L3MBTL4: variants seen among roughly 807,000 people sequenced by gnomAD.
L3MBTL4 encodes the protein L3MBTL histone methyl-lysine binding protein 4.
In L3MBTL4, 70 loss-of-function variants were observed where a neutral mutation model predicts 84.5. The ratio of observed to expected loss-of-function variants is 0.83; its 90% CI spans 0.68 to 1.01. L3MBTL4 has a LOEUF of 1.01. Ranked by LOEUF, L3MBTL4 falls within the 50% of genes least tolerant of loss-of-function variation. L3MBTL4 has a pLI of 0.00. For missense variants in L3MBTL4, 715 were observed against 754.8 expected (o/e 0.95, Z 0.62); for synonymous variants, 274 against 259.8 (o/e 1.05, Z -0.52).
At chr18:6,337,553 T>C (rs989896993) in intron 1 of L3MBTL4, among the ~76,000 whole-genome samples, 2 of 151,934 alleles carry the variant, frequency 1.3e-5, no homozygotes, top group African/African-American at 4.8e-5. Context: ...CAGGCAAAAC[T>C]AACCTAAAGC....
chr18:6,020,640 C>A (rs1567991816), intron 16 of L3MBTL4, among the ~76,000 whole-genome samples: 3 of 152,120 alleles, frequency 2.0e-5, no homozygotes, highest in Non-Finnish European at 4.4e-5. Context: ...GTTGCAAAAG[C>A]AGAGAGGGAG....
At chr18:6,128,594 G>A (rs888347061) in intron 14 of L3MBTL4, among the ~76,000 whole-genome samples, 1 of 152,142 alleles carries the variant, frequency 6.6e-6, no homozygotes, top group African/African-American at 2.4e-5. Context: ...AACATGGAAT[G>A]ATGCCTTCAA....
At chr18:5,984,576 G>T (rs1007885598) in intron 16 of L3MBTL4, among the ~76,000 whole-genome samples, 1 of 152,116 alleles carries the variant, frequency 6.6e-6, no homozygotes, top group Admixed American at 6.5e-5. Flanking sequence ...ATTTTTTTGG[G>T]GGGGAAGCTT....
chr18:6,139,024 C>G lies in L3MBTL4; in HGVS notation c.1097-728G>C, dbSNP rs530398279. On this transcript the variant is annotated intron_variant, in intron 13 of 18. Coordinates refer to ENST00000317931, the MANE Select transcript of L3MBTL4 (RefSeq NM_001330559.2). The stretch of plus-strand genomic sequence containing the variant: ...ACAGAAACTGGGCCAGCAAATGGGG[C>G]GTGCTGAAGATGGCAAACATGGCCC... Among the ~76,000 whole-genome samples the G allele has an allele frequency of 6.3e-4, 96 of 152,170 alleles. No homozygotes were observed. In the South Asian group the frequency reaches 0.02, roughly 31 times the overall value.
At chr18:6,166,154 T>C (rs1449471905) in intron 13 of L3MBTL4, among the ~76,000 whole-genome samples, 1 of 152,142 alleles carries the variant, frequency 6.6e-6, no homozygotes, top group Non-Finnish European at 1.5e-5. Context: ...ATGCACCCAA[T>C]ACAGGAGCAC....
intron 16 of L3MBTL4, among the ~76,000 whole-genome samples, chr18:5,993,387 C>T (rs540259783): frequency 1.6e-4 from 25 of 152,304 alleles, no homozygotes; most frequent in Non-Finnish European, 3.1e-4. Context: ...GAGCAAGCCA[C>T]GGGTCTCTGC....
intron 1 of L3MBTL4, among the ~76,000 whole-genome samples, chr18:6,407,145 A>G (rs951644465): frequency 2.0e-5 from 3 of 152,228 alleles, no homozygotes; most frequent in African/African-American, 7.2e-5. Context: ...CCTTGTCCTC[A>G]TAGTAAAAGA....
At chr18:6,382,667 C>T (rs1177281792) in intron 1 of L3MBTL4, among the ~76,000 whole-genome samples, 1 of 152,214 alleles carries the variant, frequency 6.6e-6, no homozygotes, top group African/African-American at 2.4e-5. Flanking sequence ...AAGATTGCTG[C>T]CTGTTTTTCC....
intron 1 of L3MBTL4, among the ~76,000 whole-genome samples, chr18:6,323,550 G>C (rs2051541134): frequency 6.6e-6 from 1 of 152,204 alleles, no homozygotes; most frequent in Admixed American, 6.5e-5. Flanking sequence ...TTGTGACCTT[G>C]CCTTAAGGAT....
intron 9 of L3MBTL4, 97 bp downstream of exon 9, chr18:6,239,621 T>C: frequency 8.3e-7 from 1 of 1,202,662 alleles, no homozygotes; most frequent in Admixed American, 1.8e-5. Flanking sequence ...CTCATCACTA[T>C]TAGAAGAGCA....
chr18:5,958,663 T>C lies in L3MBTL4; in HGVS notation c.1677+1431A>G, dbSNP rs566186754. Among the ~76,000 whole-genome samples, 8 of 152,302 alleles carry C rather than the reference T, an allele frequency of 5.3e-5. No homozygotes were observed. In the South Asian group the frequency reaches 1.7e-3, roughly 32 times the overall value. On this transcript the variant is annotated intron_variant, in intron 18 of 18. Transcript: ENST00000317931. ...AGTTGGGATTTCTGGCAGAGCTTGTTGGAGCCCAGAGGAGACCCTCTGCTA... is the reference window on the plus strand; with the variant it reads ...AGTTGGGATTTCTGGCAGAGCTTGTCGGAGCCCAGAGGAGACCCTCTGCTA...
chr18:6,243,146 T>G, intron 7 of L3MBTL4, 148 bp downstream of exon 7: 5 of 566,036 alleles, frequency 8.8e-6, no homozygotes, highest in Non-Finnish European at 1.1e-5. Flanking sequence ...GGTACCATTA[T>G]AGTCTTACTA....
At chr18:6,231,904 T>A (rs1185870578) in intron 10 of L3MBTL4, among the ~76,000 whole-genome samples, 1 of 151,968 alleles carries the variant, frequency 6.6e-6, no homozygotes, top group East Asian at 1.9e-4. Context: ...TCTTACCAAA[T>A]TAGTCAGGCT....
chr18:5,991,232 ACTAT>A (rs1314592136), intron 16 of L3MBTL4, among the ~76,000 whole-genome samples: 34 of 152,278 alleles, frequency 2.2e-4, no homozygotes, highest in Non-Finnish European at 4.0e-4. Context: ...CCTGTAGCAC[ACTAT>A]CTTTTTCATC....
intron 1 of L3MBTL4, among the ~76,000 whole-genome samples, chr18:6,323,619 G>A (rs1414352099): frequency 6.6e-6 from 1 of 152,220 alleles, no homozygotes; most frequent in Non-Finnish European, 1.5e-5. Flanking sequence ...AGTTCCTAAG[G>A]AGCAAAGCCT....
chr18:6,281,948 C>T (rs1342137822), intron 4 of L3MBTL4, among the ~76,000 whole-genome samples: 8 of 152,148 alleles, frequency 5.3e-5, no homozygotes, highest in South Asian at 2.1e-4. Context: ...CATTATCACC[C>T]GGACAGATTC....
intron 1 of L3MBTL4, among the ~76,000 whole-genome samples, chr18:6,343,637 T>C (rs57004694): frequency 0.2 from 28,639 of 144,244 alleles, 3,502 homozygotes; most frequent in African/African-American, 0.36. Context: ...ACTCCAGCCT[T>C]GGCAACAGAG....
At chr18:6,077,265 A>G (rs1430432523) in intron 16 of L3MBTL4, among the ~76,000 whole-genome samples, 1 of 152,182 alleles carries the variant, frequency 6.6e-6, no homozygotes, top group East Asian at 1.9e-4. Context: ...AGTAAGACAA[A>G]TTTCAACTTG....
At chr18:6,002,934 C>A (rs1271455781) in intron 16 of L3MBTL4, among the ~76,000 whole-genome samples, 2 of 151,294 alleles carry the variant, frequency 1.3e-5, no homozygotes, top group Non-Finnish European at 3.0e-5. Context: ...CACTTATATT[C>A]TATCTATAAG....
Sources: allele counts gnomAD v4.1 joint callset (sites outside exome capture counted in the v4.1 genomes callset), GRCh38; gene constraint gnomAD v4.1.1; transcripts MANE v1.5; gene names NCBI Gene and HGNC (gene_info 2026-07-23, HGNC 2026-07-21).